The following SLC5A12 variants were observed in gnomAD, a reference collection of about 807,000 sequenced individuals.
SLC5A12 encodes the protein solute carrier family 5 member 12.
In SLC5A12, 46 loss-of-function variants were observed where a neutral mutation model predicts 72.7. The observed-to-expected ratio is 0.63, with a 90% confidence interval of 0.50 to 0.81. SLC5A12 has a LOEUF of 0.81. SLC5A12 is among the 30% of genes least tolerant of loss of function. The pLI is 0.00. For missense variants in SLC5A12, 683 were observed against 740.7 expected (o/e 0.92, Z 0.90); for synonymous variants, 275 against 264.4 (o/e 1.04, Z -0.39).
chr11:26,703,641 A>G lies in SLC5A12; in HGVS notation c.711T>C (p.Thr237=). Residue 237 remains threonine (T), a synonymous_variant, in exon 6 of 15, where the codon ACT becomes ACC. Transcript: ENST00000396005. ...DFDVDPLRRH[T]FWTITVGGTF... is the part of the protein sequence containing the mutation. ...TTCCTCCCACTGTGATAGTCCAAAA[A>G]GTGTGTCGCCTGAGAGGATCTACAT... 1 of 1,613,894 alleles carries G rather than the reference A, an allele frequency of 6.2e-7. No individual in the cohort carries two copies. Among genetic ancestry groups the G allele is most frequent in the South Asian group, 1.1e-5 (1 of 91,084 alleles).
At chr11:26,699,609 A>G (rs1349412832) in intron 6 of SLC5A12, among the ~76,000 whole-genome samples, 7 of 152,124 alleles carry the variant, frequency 4.6e-5, no homozygotes, top group Admixed American at 2.0e-4. Context: ...GGCTTTGGGA[A>G]TACAATTGCT....
intron 4 of SLC5A12, among the ~76,000 whole-genome samples, chr11:26,706,795 T>C (rs1250200381): frequency 6.6e-6 from 1 of 150,718 alleles, no homozygotes; most frequent in Non-Finnish European, 1.5e-5. Flanking sequence ...AATTTCAAAA[T>C]GGCATATAAT....
intron 2 of SLC5A12, among the ~76,000 whole-genome samples, chr11:26,712,173 G>A (rs1195666762): frequency 6.6e-6 from 1 of 152,018 alleles, no homozygotes; most frequent in Non-Finnish European, 1.5e-5. Flanking sequence ...AGCTGGGGGG[G>A]TGGGAAAGGA....
At chr11:26,681,625 C>T (rs1854413263) in intron 11 of SLC5A12, among the ~76,000 whole-genome samples, 1 of 152,110 alleles carries the variant, frequency 6.6e-6, no homozygotes, top group South Asian at 2.1e-4. Context: ...AATTATTACT[C>T]CTATCTCTCT....
At chr11:26,689,160 C>A (rs1854606504) in intron 9 of SLC5A12, among the ~76,000 whole-genome samples, 1 of 150,692 alleles carries the variant, frequency 6.6e-6, no homozygotes, top group Admixed American at 6.6e-5. Context: ...CTTAGGGAGG[C>A]CTAGGCAGGC....
chr11:26,693,175 C>A (rs1233687699), intron 8 of SLC5A12, among the ~76,000 whole-genome samples: 5 of 152,164 alleles, frequency 3.3e-5, no homozygotes, highest in African/African-American at 1.2e-4. Context: ...TAAGAACATA[C>A]AGAGACCTAA....
In SLC5A12 at chr11:26,708,440, A is replaced by G. The variant is rs1177920529; in HGVS notation, c.525+872T>C. ...AGAAATAATGGGATTTGCAAGTATG[A>G]AAAAGATCAGGCTATTTTAAAATTG... On this transcript the variant is annotated intron_variant, in intron 4 of 14. Coordinates refer to ENST00000396005, the MANE Select transcript of SLC5A12 (RefSeq NM_178498.4). 2.6e-5 allele frequency among the ~76,000 whole-genome samples: 4 copies of G among 152,122 alleles called. No homozygotes were observed. The East Asian group carries it at 5.8e-4, about 22-fold the overall frequency.
intron 1 of SLC5A12, among the ~76,000 whole-genome samples, chr11:26,714,638 C>T (rs1318313437): frequency 6.6e-6 from 1 of 152,074 alleles, no homozygotes; most frequent in Non-Finnish European, 1.5e-5. Flanking sequence ...GTAGTTTCTA[C>T]TTGATAGTAG....
At chr11:26,691,045 T>C (rs1248836716) in intron 9 of SLC5A12, among the ~76,000 whole-genome samples, 4 of 151,966 alleles carry the variant, frequency 2.6e-5, no homozygotes, top group Non-Finnish European at 5.9e-5. Context: ...TGGGAGACAT[T>C]CTACAATAGA....
chr11:26,713,067 T>C (rs1271445486), intron 1 of SLC5A12, among the ~76,000 whole-genome samples: 1 of 152,118 alleles, frequency 6.6e-6, no homozygotes, highest in Admixed American at 6.6e-5. Context: ...TTTTCTCTTT[T>C]CTGGATTGCT....
chr11:26,674,961 A>C (rs1047927178), intron 13 of SLC5A12, among the ~76,000 whole-genome samples: 1 of 152,198 alleles, frequency 6.6e-6, no homozygotes, highest in Non-Finnish European at 1.5e-5. Flanking sequence ...ATAAATGATG[A>C]AGTATACATT....
chr11:26,684,667 A>G (rs1737049143), intron 10 of SLC5A12, among the ~76,000 whole-genome samples: 1 of 152,098 alleles, frequency 6.6e-6, no homozygotes. Flanking sequence ...GGCATCACTC[A>G]CGACTTCCTC....
rs2133232617 is a variant in SLC5A12 at position 26,721,539 on chromosome 11, G to A, written c.176C>T (p.Ala59Val). 6.2e-7 allele frequency: 1 copy of A among 1,614,150 alleles called. No homozygotes were observed. The highest frequency in any genetic ancestry group is 1.1e-5 in the South Asian group (1 of 91,080). Residue 59 changes from alanine to valine, a missense_variant, in exon 1 of 15, where the codon GCC becomes GTC. Physicochemically the swap from Ala to Val is moderately conservative, Grantham distance 64. Transcript: ENST00000396005. ...SFGPVGLSLTASFMSAVTVLG... is the reference protein window; with the variant it reads ...SFGPVGLSLTVSFMSAVTVLG... ...GACCGTGACAGCTGACATGAAGCTG[G>A]CTGTCAGAGACAAGCCGACAGGGCC...
At chr11:26,707,249 T>A (rs1030189843) in intron 4 of SLC5A12, among the ~76,000 whole-genome samples, 2 of 152,058 alleles carry the variant, frequency 1.3e-5, no homozygotes, top group Non-Finnish European at 2.9e-5. Context: ...GGTCCTCCAT[T>A]TGTATTTGCT....
At chr11:26,693,742 T>C (rs1359223213) in intron 8 of SLC5A12, among the ~76,000 whole-genome samples, 4 of 152,200 alleles carry the variant, frequency 2.6e-5, no homozygotes, top group African/African-American at 9.7e-5. Flanking sequence ...TATCCTCCAG[T>C]GCTCACTTGA....
At chr11:26,672,182 G>A (rs775355996) in intron 14 of SLC5A12, among the ~76,000 whole-genome samples, 1 of 152,062 alleles carries the variant, frequency 6.6e-6, no homozygotes, top group Non-Finnish European at 1.5e-5. Flanking sequence ...CTCTGTAAAC[G>A]TGGTGCTCTT....
intron 9 of SLC5A12, 89 bp from the exon 10 acceptor site, chr11:26,686,633 A>G: frequency 8.6e-7 from 1 of 1,164,412 alleles, no homozygotes. Context: ...ACTGTCTCTG[A>G]TCCAAGCCCT....
chr11:26,723,070 C>T (rs1168838079), upstream of SLC5A12, among the ~76,000 whole-genome samples: 1 of 151,726 alleles, frequency 6.6e-6, no homozygotes, highest in Non-Finnish European at 1.5e-5. Context: ...AAGCTCTAGT[C>T]CATATACCCA....
Position 26,669,848 on chromosome 11 carries a change from C to A in SLC5A12, c.*1254G>T, listed in dbSNP as rs929925145. ...TTCTAGGCCTTTTGCTTTTATCTGGCCACCAAAATAAATATCTGACACCTG... is the reference window on the plus strand; with the variant it reads ...TTCTAGGCCTTTTGCTTTTATCTGGACACCAAAATAAATATCTGACACCTG... On this transcript the variant is annotated 3_prime_UTR_variant, in exon 15 of 15. Transcript: ENST00000396005. 6.6e-6 allele frequency: 1 copy of A among 152,032 alleles called. No individual in the cohort carries two copies. The highest frequency in any genetic ancestry group is 1.5e-5 in the Non-Finnish European group (1 of 67,984). 9.4% of individuals were successfully genotyped at this position (152,032 alleles called of 1,614,324 possible). A position where few individuals can be genotyped will look rare whatever the true frequency, so the allele number is the denominator to read the frequency against.
Sources: allele counts gnomAD v4.1 joint callset (sites outside exome capture counted in the v4.1 genomes callset), GRCh38; gene constraint gnomAD v4.1.1; transcripts MANE v1.5; gene names NCBI Gene and HGNC (gene_info 2026-07-23, HGNC 2026-07-21).